Variants in SLC39A11 observed in about 807,000 individuals in gnomAD.
The protein encoded by SLC39A11 is solute carrier family 39 member 11.
Under a neutral mutation model 36.1 loss-of-function variants are expected in SLC39A11, and 33 were observed. That is an observed-to-expected ratio of 0.91 (90% CI 0.69 to 1.22). The LOEUF (loss-of-function observed/expected upper bound fraction) is 1.22, where lower values mean the gene tolerates loss of function less well. Ranked by LOEUF, SLC39A11 falls within the 50% of genes most tolerant of loss-of-function variation. SLC39A11 has a pLI of 0.00. For synonymous variants in SLC39A11, 166 were observed against 170.3 expected (o/e 0.97, Z 0.20); for missense variants, 432 against 430.3 (o/e 1.00, Z -0.03).
intron 4 of SLC39A11, among the ~76,000 whole-genome samples, chr17:72,988,160 G>C (rs996342020): frequency 6.6e-6 from 1 of 152,136 alleles, no homozygotes; most frequent in African/African-American, 2.4e-5. Flanking sequence ...TTATTTTAAA[G>C]TGTACAATTA....
intron 3 of SLC39A11, among the ~76,000 whole-genome samples, chr17:73,069,989 G>A (rs1031470105): frequency 6.6e-6 from 1 of 152,192 alleles, no homozygotes; most frequent in Non-Finnish European, 1.5e-5. Flanking sequence ...ATTCAATGAA[G>A]TATTGGCCCG....
At chr17:72,869,900 G>A (rs7503865) in intron 5 of SLC39A11, among the ~76,000 whole-genome samples, 89,881 of 151,966 alleles carry the variant, frequency 0.59, 29,497 homozygotes, top group African/African-American at 0.89. Flanking sequence ...CAAATAACTG[G>A]TCACAGATTT....
At chr17:72,899,127 A>G (rs1427545759) in intron 5 of SLC39A11, among the ~76,000 whole-genome samples, 1 of 152,204 alleles carries the variant, frequency 6.6e-6, no homozygotes, top group African/African-American at 2.4e-5. Flanking sequence ...GGTGGACATT[A>G]GCTGTGCTGC....
intron 6 of SLC39A11, among the ~76,000 whole-genome samples, chr17:72,787,882 G>A (rs927391910): frequency 7.9e-5 from 12 of 152,052 alleles, no homozygotes; most frequent in Non-Finnish European, 1.5e-4. Context: ...CTTACTGGGC[G>A]CATCCAGTTA....
chr17:72,829,672 T>C (rs576405300), intron 6 of SLC39A11, among the ~76,000 whole-genome samples: 2 of 152,312 alleles, frequency 1.3e-5, no homozygotes, highest in Admixed American at 6.5e-5. Context: ...CCCTCCTCTC[T>C]TCCCCCTTTC....
intron 4 of SLC39A11, among the ~76,000 whole-genome samples, chr17:72,994,682 G>T (rs1003933647): frequency 6.6e-6 from 1 of 152,188 alleles, no homozygotes; most frequent in Admixed American, 6.5e-5. Context: ...ACTTTAAGTA[G>T]AAGGTTCTCT....
At position 72,953,335 on chromosome 17, in the gene SLC39A11, G is replaced by A. The variant is rs139862477; in HGVS notation, c.307-5460C>T. Among the ~76,000 whole-genome samples the A allele has an allele frequency of 4.0e-3, 610 of 152,256 alleles. 4 individuals are homozygous for A. Among genetic ancestry groups the A allele is most frequent in the African/African-American group, 0.014 (597 of 41,540 alleles). The stretch of plus-strand genomic sequence containing the variant: ...AATAGCACTTTCCAGAACAAAAAGA[G>A]AGGAAATAGAGAGAAAAAGAAAGAA... On this transcript the variant is annotated intron_variant, in intron 4 of 9. Coordinates refer to ENST00000255559, the MANE Select transcript of SLC39A11 (RefSeq NM_139177.4).
chr17:72,650,563 C>T (rs1489271335), intron 7 of SLC39A11, among the ~76,000 whole-genome samples: 1 of 152,212 alleles, frequency 6.6e-6, no homozygotes, highest in African/African-American at 2.4e-5. Context: ...TGAGACTCTA[C>T]CTTGGCCGGA....
intron 7 of SLC39A11, among the ~76,000 whole-genome samples, chr17:72,687,124 T>A (rs565328113): frequency 1.3e-5 from 2 of 152,336 alleles, no homozygotes; most frequent in East Asian, 3.9e-4. Flanking sequence ...ACTCCTAGGC[T>A]CAAGCCATCT....
At chr17:72,744,999 G>A (rs542446267) in intron 6 of SLC39A11, among the ~76,000 whole-genome samples, 1 of 152,086 alleles carries the variant, frequency 6.6e-6, no homozygotes, top group African/African-American at 2.4e-5. Flanking sequence ...GCACCACCAG[G>A]CCTGGCTAAT....
At chr17:72,696,581 CAT>C (rs1157629636) in intron 7 of SLC39A11, among the ~76,000 whole-genome samples, 1 of 152,122 alleles carries the variant, frequency 6.6e-6, no homozygotes, top group Non-Finnish European at 1.5e-5. Flanking sequence ...TGCTGTCTGA[CAT>C]ATGAGACCCA....
At chr17:73,009,174 T>C (rs890006710) in intron 4 of SLC39A11, among the ~76,000 whole-genome samples, 6 of 151,336 alleles carry the variant, frequency 4.0e-5, no homozygotes, top group South Asian at 2.1e-4. Context: ...CCATCCTGGC[T>C]AACACGGTGA....
At chr17:73,087,102 T>C (rs2060758625) in intron 2 of SLC39A11, among the ~76,000 whole-genome samples, 1 of 152,062 alleles carries the variant, frequency 6.6e-6, no homozygotes, top group African/African-American at 2.4e-5. Flanking sequence ...AACTCTGTAC[T>C]CATTCAAGAA....
intron 5 of SLC39A11, among the ~76,000 whole-genome samples, chr17:72,892,590 A>G (rs1009783828): frequency 6.6e-6 from 1 of 152,104 alleles, no homozygotes; most frequent in Non-Finnish European, 1.5e-5. Flanking sequence ...CTATTTCCCC[A>G]CTGATTTGGG....
At chr17:72,861,571 A>T (rs1463230751) in intron 5 of SLC39A11, among the ~76,000 whole-genome samples, 1 of 149,448 alleles carries the variant, frequency 6.7e-6, no homozygotes, top group African/African-American at 2.5e-5. Context: ...ACTATGCTTG[A>T]TAGACAGATT....
At chr17:72,926,740 T>A (rs2084071254) in intron 5 of SLC39A11, among the ~76,000 whole-genome samples, 1 of 152,030 alleles carries the variant, frequency 6.6e-6, no homozygotes, top group Non-Finnish European at 1.5e-5. Context: ...CCAGCTTTAT[T>A]ACGTTTTAAT....
chr17:73,028,965 A>G (rs1007451722), intron 4 of SLC39A11, among the ~76,000 whole-genome samples: 1 of 152,004 alleles, frequency 6.6e-6, no homozygotes, highest in Non-Finnish European at 1.5e-5. Flanking sequence ...TAAAAATACA[A>G]AAATTAGCCA....
intron 7 of SLC39A11, among the ~76,000 whole-genome samples, chr17:72,686,611 C>A (rs2071764326): frequency 6.6e-6 from 1 of 152,168 alleles, no homozygotes; most frequent in Non-Finnish European, 1.5e-5. Context: ...CAGGGCCAGG[C>A]CTCTGCCCGT....
At chr17:73,036,717 G>T (rs1034771341) in intron 3 of SLC39A11, among the ~76,000 whole-genome samples, 3 of 152,132 alleles carry the variant, frequency 2.0e-5, no homozygotes, top group Admixed American at 2.0e-4. Flanking sequence ...AAAGTGCTAG[G>T]ATTACAGGCA....
Sources: allele counts gnomAD v4.1 joint callset (sites outside exome capture counted in the v4.1 genomes callset), GRCh38; gene constraint gnomAD v4.1.1; transcripts MANE v1.5; gene names NCBI Gene and HGNC (gene_info 2026-07-23, HGNC 2026-07-21).